GDF5: variants seen among roughly 807,000 people sequenced by gnomAD.
GDF5 encodes the protein growth differentiation factor 5.
GDF5 carries 17 observed loss-of-function variants against 34.6 expected under a neutral mutation model. The observed-to-expected ratio is 0.49, with a 90% CI of 0.34 to 0.74. The LOEUF (loss-of-function observed/expected upper bound fraction) is 0.74, where lower values mean the gene tolerates loss of function less well. GDF5 is among the 30% of genes least tolerant of loss of function. The pLI is 0.01. For synonymous variants in GDF5, 332 were observed against 290.7 expected, an observed-to-expected ratio of 1.14 and a Z score of -1.44; for missense variants, 616 against 661.2, an observed-to-expected ratio of 0.93 and a Z score of 0.75.
chr20:35,434,465 T>G lies in GDF5; in HGVS notation c.950A>C (p.Glu317Ala), dbSNP rs1038399037. Reference protein sequence around the residue: ...AQLCLELEAWERGRAVDLRGL... With the variant: ...AQLCLELEAWARGRAVDLRGL... ...ACGGAGGTCCACGGCCCTGCCCCGT[T>G]CCCAGGCCTCCAGCTCCAGGCACAG... The change falls in exon 2 of 2, where the codon GAA becomes GCA. Residue 317 changes from glutamate to alanine, a missense_variant. Coordinates refer to ENST00000374369, the MANE Select transcript of GDF5 (RefSeq NM_000557.5). The G allele has an allele frequency of 6.2e-7, 1 of 1,612,400 alleles. No homozygotes were observed. The highest frequency in any genetic ancestry group is 8.5e-7 in the Non-Finnish European group (1 of 1,179,266).
At chr20:35,436,016 A>G (rs529488555) in intron 1 of GDF5, among the ~76,000 whole-genome samples, 1 of 152,218 alleles carries the variant, frequency 6.6e-6, no homozygotes, top group South Asian at 2.1e-4. Flanking sequence ...ATGCATGTAC[A>G]TGTGTGATTC....
intron 1 of GDF5, among the ~76,000 whole-genome samples, chr20:35,450,347 A>G (rs2062527091): frequency 6.6e-6 from 1 of 151,792 alleles, no homozygotes. Context: ...GCAGCAAGAG[A>G]CTATCGTTTT....
At chr20:35,450,178 C>T (rs888199831) in intron 1 of GDF5, among the ~76,000 whole-genome samples, 357 of 149,410 alleles carry the variant, frequency 2.4e-3, no homozygotes, top group African/African-American at 8.4e-3. Context: ...TGGTGGTGGG[C>T]GCCTGTAATC....
At position 35,448,068 on chromosome 20, in the gene GDF5, TATA is replaced by T. The variant is rs561937167; in HGVS notation, c.-398+6569_-398+6571del. Among the ~76,000 whole-genome samples, 29 of 152,288 alleles carry T rather than the reference TATA, an allele frequency of 1.9e-4. 2 individuals carry two copies. In the South Asian group the frequency reaches 5.6e-3, roughly 29 times the overall value. On this transcript the variant is annotated intron_variant, in intron 1 of 3. Coordinates refer to the GDF5 transcript ENST00000374372. ...AAAATATTCAAATAATACCAAAGTTTATAAAGTTAAAAGAGAAAGTTCCCCTCT... is the reference window on the plus strand; with the variant it reads ...AAAATATTCAAATAATACCAAAGTTTAAGTTAAAAGAGAAAGTTCCCCTCT...
intron 1 of GDF5, among the ~76,000 whole-genome samples, chr20:35,436,190 C>A (rs1366956882): frequency 6.6e-6 from 1 of 152,176 alleles, no homozygotes; most frequent in Non-Finnish European, 1.5e-5. Context: ...CCATCTCCCC[C>A]TCTCCAAGCT....
upstream of GDF5, chr20:35,441,134 T>A (rs752913522): frequency 6.6e-6 from 1 of 152,236 alleles, no homozygotes; most frequent in African/African-American, 2.4e-5. Context: ...CAAACAGACC[T>A]GGTTTTGAAG....
At position 35,437,501 on chromosome 20, in the gene GDF5, G is replaced by C. The variant is rs2062478073; in HGVS notation, c.428C>G (p.Ser143Cys). ...APPKAGSVPS[S>C]FLLKKAREPG... ...CTCCCTGGCCTTCTTCAGCAGGAAG[G>C]AGCTGGGGACAGATCCTGCTTTTGG... Residue 143 changes from serine (S) to cysteine (C), a missense_variant, in exon 1 of 2, where the codon TCC becomes TGC. Transcript: ENST00000374369. 1 of 1,614,062 alleles carries C rather than the reference G, an allele frequency of 6.2e-7. No homozygotes were observed. The highest frequency in any genetic ancestry group is 1.3e-5 in the African/African-American group (1 of 74,942).
chr20:35,441,064 T>C (rs899755714), upstream of GDF5, among the ~76,000 whole-genome samples: 90 of 152,372 alleles, frequency 5.9e-4, no homozygotes, highest in African/African-American at 2.1e-3. Context: ...AATAAATGAA[T>C]GAGTTGAACA....
In GDF5 at chr20:35,434,000, C is replaced by T; in HGVS notation, c.1415G>A (p.Ser472Asn). The change falls in exon 2 of 2, where the codon AGT (serine) becomes AAT (asparagine). Residue 472 changes from serine to asparagine, a missense_variant. Physicochemically the swap from Ser to Asn is conservative, Grantham distance 46. Coordinates refer to ENST00000374369, the MANE Select transcript of GDF5 (RefSeq NM_000557.5). Reference protein sequence around the residue: ...PPTCCVPTRLSPISILFIDSA... With the variant: ...PPTCCVPTRLNPISILFIDSA... ...GTCAATGAAGAGGATGCTGATGGGA[C>T]TCAGCCGCGTGGGCACACAGCAGGT... 2 of 1,613,880 alleles carry T rather than the reference C, an allele frequency of 1.2e-6. No individual in the cohort carries two copies. Among genetic ancestry groups the T allele is most frequent in the Non-Finnish European group, 1.7e-6 (2 of 1,179,766 alleles).
rs760434030 is a variant in GDF5, at chr20:35,437,312, A to G, written c.617T>C (p.Ile206Thr). 1.9e-6 allele frequency: 3 copies of G among 1,612,420 alleles called. No homozygotes were observed. ...AGLANTITSFIDKGQDDRGPV... is the reference protein window; with the variant it reads ...AGLANTITSFTDKGQDDRGPV... ...CGCCCCCTCACCTTGCCCTTTGTCA[A>G]TAAAGCTGGTGATGGTGTTGGCCAG... The change falls in exon 1 of 2, where the codon ATT (isoleucine) becomes ACT (threonine). Residue 206 changes from isoleucine (I) to threonine (T), a missense_variant. Physicochemically the swap from Ile to Thr is moderately conservative, Grantham distance 89. Transcript: ENST00000374369.
chr20:35,451,571 GTTTT>G (rs370961300), intron 1 of GDF5, among the ~76,000 whole-genome samples: 1 of 143,270 alleles, frequency 7.0e-6, no homozygotes, highest in Admixed American at 7.0e-5. Context: ...TTTTTTTTCT[GTTTT>G]TTTTTCCTTT....
chr20:35,435,971 CGT>C (rs1229113434), intron 1 of GDF5, among the ~76,000 whole-genome samples: 1 of 151,856 alleles, frequency 6.6e-6, no homozygotes, highest in African/African-American at 2.4e-5. Flanking sequence ...CATGTGTGTA[CGT>C]GTGTGATTCA....
Position 35,434,042 on chromosome 20 carries a change from G to T in GDF5, c.1373C>A (p.Pro458His), listed in dbSNP as rs2062456004. The T allele has an allele frequency of 6.2e-7, 1 of 1,613,942 alleles. No individual in the cohort carries two copies. Among genetic ancestry groups the T allele is most frequent in the African/African-American group, 1.3e-5 (1 of 74,878 alleles). ...VIQTLMNSMD[P>H]ESTPPTCCVP... The stretch of plus-strand genomic sequence containing the variant: ...ACAGCAGGTGGGTGGTGTGGACTCG[G>T]GGTCCATGGAGTTCATCAGGGTCTG... Residue 458 changes from proline (P) to histidine (H), a missense_variant, in exon 2 of 2, where the codon CCC becomes CAC. Pro to His is a moderately conservative substitution (Grantham distance 77). Coordinates refer to ENST00000374369, the MANE Select transcript of GDF5 (RefSeq NM_000557.5).
chr20:35,434,934 T>C (rs773005198), intron 1 of GDF5, 151 bp from the exon 2 acceptor site: 31 of 830,342 alleles, frequency 3.7e-5, no homozygotes, highest in South Asian at 5.4e-5. Context: ...GCCAAACCAC[T>C]GAGAGCCTTT....
rs1256041106 is a variant in GDF5 at position 35,434,291 on chromosome 20, C to T, written c.1124G>A (p.Ser375Asn). The change falls in exon 2 of 2, where the codon AGC becomes AAC. Residue 375 changes from serine (S) to asparagine (N), a missense_variant. By Grantham distance (46) the Ser-to-Asn change is conservative (BLOSUM62 1). Transcript: ENST00000374369. Reference sequence around the variant, plus strand: ...TGGGGCCCGCCGTTTTCGCCGCTGGCTGAACAGGTACTCATACACGGTCTT... The same window carrying T: ...TGGGGCCCGCCGTTTTCGCCGCTGGTTGAACAGGTACTCATACACGGTCTT... ...DDKTVYEYLFSQRRKRRAPLA... is the reference protein window; with the variant it reads ...DDKTVYEYLFNQRRKRRAPLA... 7.4e-6 allele frequency: 12 copies of T among 1,614,086 alleles called. No homozygotes were observed. Among genetic ancestry groups the T allele is most frequent in the Non-Finnish European group, 9.3e-6 (11 of 1,180,058 alleles).
At chr20:35,452,940 G>A (rs1337753622) in intron 1 of GDF5, among the ~76,000 whole-genome samples, 1 of 152,100 alleles carries the variant, frequency 6.6e-6, no homozygotes, top group Admixed American at 6.6e-5. Flanking sequence ...AATAATAAAT[G>A]GAAAGTGCTA....
rs1327533076 is a variant in GDF5, at chr20:35,434,766, C to G, written c.649G>C (p.Val217Leu). The change falls in exon 2 of 2, where the codon GTC (valine) becomes CTC (leucine). Residue 217 changes from valine to leucine, a missense_variant. Transcript: ENST00000374369. Reference protein sequence around the residue: ...DKGQDDRGPVVRKQRYVFDIS... With the variant: ...DKGQDDRGPVLRKQRYVFDIS... ...TCAAACACGTACCTCTGCTTCCTGA[C>G]CACGGGACCTCGGTCATCTAGAGAG... 5 of 1,611,324 alleles carry G rather than the reference C, an allele frequency of 3.1e-6. No individual in the cohort carries two copies. The highest frequency in any genetic ancestry group is 3.4e-6 in the Non-Finnish European group (4 of 1,179,948).
At chr20:35,450,317 A>G (rs918294318) in intron 1 of GDF5, among the ~76,000 whole-genome samples, 1 of 151,852 alleles carries the variant, frequency 6.6e-6, no homozygotes, top group Non-Finnish European at 1.5e-5. Context: ...AAAAAAAAAA[A>G]GAATGGACTC....
Position 35,433,499 on chromosome 20 carries a change from C to G in GDF5, c.*410G>C. 1 of 342,026 alleles carries G rather than the reference C, an allele frequency of 2.9e-6. No homozygotes were observed. The highest frequency in any genetic ancestry group is 4.0e-5 in the Admixed American group (1 of 24,822). 21.2% of individuals were successfully genotyped at this position (342,026 alleles called of 1,614,324 possible). A position where few individuals can be genotyped will look rare whatever the true frequency, so the allele number is the denominator to read the frequency against. On this transcript the variant is annotated 3_prime_UTR_variant, in exon 2 of 2. Transcript: ENST00000374369. ...CAACTGTCCCAGGGACAGGAAGTCACCAGGCACAAATGTGATTTGAGGAGG... is the reference window on the plus strand; with the variant it reads ...CAACTGTCCCAGGGACAGGAAGTCAGCAGGCACAAATGTGATTTGAGGAGG...
Sources: allele counts gnomAD v4.1 joint callset (sites outside exome capture counted in the v4.1 genomes callset), GRCh38; gene constraint gnomAD v4.1.1; transcripts MANE v1.5; gene names NCBI Gene and HGNC (gene_info 2026-07-23, HGNC 2026-07-21).